The following PLCL2 variants were observed in gnomAD, a reference collection of about 807,000 sequenced individuals.
PLCL2 encodes phospholipase C like 2.
In PLCL2, 4 loss-of-function variants were observed where a neutral mutation model predicts 79.6. The ratio of observed to expected loss-of-function variants is 0.05; its 90% confidence interval spans 0.02 to 0.11. The LOEUF (loss-of-function observed/expected upper bound fraction) is 0.11, where lower values mean the gene tolerates loss of function less well. Ranked by LOEUF, PLCL2 falls within the 10% of genes least tolerant of loss-of-function variation. The pLI, the probability that PLCL2 is intolerant of heterozygous loss-of-function variation, is 1.00. For missense variants in PLCL2, 895 were observed against 1,291.0 expected (o/e 0.69, Z 4.70); for synonymous variants, 484 against 457.7 (o/e 1.06, Z -0.73).
intron 1 of PLCL2, among the ~76,000 whole-genome samples, chr3:16,909,117 G>T (rs986850364): frequency 1.3e-5 from 2 of 152,172 alleles, no homozygotes; most frequent in Non-Finnish European, 2.9e-5. Context: ...CTGCACATAT[G>T]TAAAAGAAAT....
rs573963147 is a variant in PLCL2 at position 16,886,730 on chromosome 3, G to A, written c.327+1364G>A. Among the ~76,000 whole-genome samples, 1 of 152,212 alleles carries A rather than the reference G, an allele frequency of 6.6e-6. No individual in the cohort carries two copies. Among genetic ancestry groups the A allele is most frequent in the African/African-American group, 2.4e-5 (1 of 41,530 alleles). On this transcript the variant is annotated intron_variant, in intron 1 of 5. Coordinates refer to ENST00000615277, the MANE Select transcript of PLCL2 (RefSeq NM_001144382.2). The surrounding 1 kb of genome is among the most constrained non-coding windows in gnomAD (Gnocchi z 4.2). ...GCATACATAGCTTTTAGTGACTTAC[G>A]TTTTCTTTTACTCTGTAGCTTATGT...
intron 1 of PLCL2, among the ~76,000 whole-genome samples, chr3:16,949,052 T>C (rs925872618): frequency 6.6e-6 from 1 of 152,216 alleles, no homozygotes; most frequent in African/African-American, 2.4e-5. Context: ...AAATAATATG[T>C]ATATATCATA....
chr3:17,021,621 C>T (rs1458773598), intron 3 of PLCL2, among the ~76,000 whole-genome samples: 2 of 151,804 alleles, frequency 1.3e-5, no homozygotes, highest in African/African-American at 4.8e-5. Context: ...CACACACACA[C>T]ACACACACAC....
At chr3:17,021,595 TAC>T (rs35902619) in intron 3 of PLCL2, among the ~76,000 whole-genome samples, 47,527 of 146,316 alleles carry the variant, frequency 0.32, 8,087 homozygotes, top group East Asian at 0.52. Context: ...AAAGTATTCT[TAC>T]ACACACACAC....
chr3:16,953,034 G>A (rs2063668252), intron 1 of PLCL2, among the ~76,000 whole-genome samples: 1 of 151,972 alleles, frequency 6.6e-6, no homozygotes, highest in East Asian at 1.9e-4. Flanking sequence ...CTAATACTCA[G>A]TATAAACCTA....
At chr3:17,076,507 A>T (rs1559541341) in intron 5 of PLCL2, among the ~76,000 whole-genome samples, 1 of 151,564 alleles carries the variant, frequency 6.6e-6, no homozygotes, top group Non-Finnish European at 1.5e-5. Flanking sequence ...TCTGTGGTTT[A>T]AAAAAAAATT....
chr3:17,000,176 C>T (rs1171871491), intron 1 of PLCL2, among the ~76,000 whole-genome samples: 3 of 152,066 alleles, frequency 2.0e-5, no homozygotes, highest in African/African-American at 4.8e-5. Flanking sequence ...GACTACAGTC[C>T]TTTAAAAGAG....
In PLCL2 at chr3:16,887,874, A is replaced by AT. The variant is rs572966415; in HGVS notation, c.327+2516dup. 1.0e-3 allele frequency among the ~76,000 whole-genome samples: 152 copies of AT among 151,962 alleles called. 1 individual carries two copies. Among genetic ancestry groups the AT allele is most frequent in the Admixed American group, 2.2e-3 (33 of 15,258 alleles). On this transcript the variant is annotated intron_variant, in intron 1 of 5. Transcript: ENST00000615277. The surrounding 1 kb of genome is among the most constrained non-coding windows in gnomAD (Gnocchi z 4.1). ...AGTGACATCTTTCCTTGGTTTCCTT[A>AT]TTTTTTTTAATATAAGGGATGAATG...
At chr3:17,023,298 C>T (rs1179856345) in intron 3 of PLCL2, among the ~76,000 whole-genome samples, 1 of 152,192 alleles carries the variant, frequency 6.6e-6, no homozygotes, top group East Asian at 1.9e-4. Context: ...TCTCCTCCAC[C>T]TTAGGGGATA....
chr3:17,081,349 C>T (rs145147681), intron 5 of PLCL2: 356 of 433,046 alleles, frequency 8.2e-4, no homozygotes, highest in African/African-American at 6.3e-3. Flanking sequence ...CTTCAACATC[C>T]AAGCATGTGG....
chr3:16,910,393 C>A (rs964783073), intron 1 of PLCL2, among the ~76,000 whole-genome samples: 1 of 152,046 alleles, frequency 6.6e-6, no homozygotes, highest in Non-Finnish European at 1.5e-5. Flanking sequence ...TTACTTCACC[C>A]GTCAGTAGTG....
At chr3:17,006,978 A>G (rs1456097957) in intron 1 of PLCL2, among the ~76,000 whole-genome samples, 1 of 152,270 alleles carries the variant, frequency 6.6e-6, no homozygotes, top group East Asian at 1.9e-4. Context: ...ATGAAAGAAT[A>G]AAAGATTACA....
At chr3:16,942,258 A>G (rs969188056) in intron 1 of PLCL2, among the ~76,000 whole-genome samples, 1 of 152,192 alleles carries the variant, frequency 6.6e-6, no homozygotes, top group Non-Finnish European at 1.5e-5. Context: ...TCAAATGTGT[A>G]TGTGCAGATT....
intron 5 of PLCL2, among the ~76,000 whole-genome samples, chr3:17,069,920 C>T (rs573080928): frequency 2.0e-4 from 31 of 152,046 alleles, no homozygotes; most frequent in Non-Finnish European, 4.3e-4. Context: ...GAATTTACAA[C>T]GAAAAAGGAT....
chr3:17,071,327 T>TTTG (rs1559539516), intron 5 of PLCL2, among the ~76,000 whole-genome samples: 1 of 152,206 alleles, frequency 6.6e-6, no homozygotes, highest in Non-Finnish European at 1.5e-5. Context: ...AGTTTTTTTT[T>TTTG]ATTTTGAAGG....
intron 1 of PLCL2, among the ~76,000 whole-genome samples, chr3:17,004,621 A>G (rs1047666679): frequency 1.3e-5 from 2 of 152,030 alleles, no homozygotes; most frequent in Non-Finnish European, 2.9e-5. Flanking sequence ...CATCTTAAAG[A>G]GCACATCAAA....
rs1696222387 is a variant in PLCL2 at position 16,886,339 on chromosome 3, C to T, written c.327+973C>T. Among the ~76,000 whole-genome samples the T allele has an allele frequency of 6.6e-6, 1 of 152,198 alleles. No individual in the cohort carries two copies. The highest frequency in any genetic ancestry group is 2.4e-5 in the African/African-American group (1 of 41,442). ...ATCAAGGAGTTATCAGGACAGGGAGCAGCAAAGCAAATTGACAGGCTGCAC... is the reference window on the plus strand; with the variant it reads ...ATCAAGGAGTTATCAGGACAGGGAGTAGCAAAGCAAATTGACAGGCTGCAC... On this transcript the variant is annotated intron_variant, in intron 1 of 5. Transcript: ENST00000615277. This position sits in a 1 kb window ranked among gnomAD's most constrained non-coding sequence, Gnocchi z 4.2.
intron 3 of PLCL2, among the ~76,000 whole-genome samples, chr3:17,027,386 C>T (rs2064528429): frequency 1.3e-5 from 2 of 152,168 alleles, no homozygotes; most frequent in Non-Finnish European, 2.9e-5. Context: ...TTTTGGAGAA[C>T]AACCACCTCC....
intron 1 of PLCL2, among the ~76,000 whole-genome samples, chr3:16,978,237 T>G (rs1049685439): frequency 6.6e-6 from 1 of 152,238 alleles, no homozygotes; most frequent in African/African-American, 2.4e-5. Flanking sequence ...TACCCTACCC[T>G]TTTTATTGTT....
Sources: gnomAD v4.1 joint callset for allele counts (sites outside exome capture counted in the v4.1 genomes callset) on GRCh38, gnomAD v4.1.1 for gene constraint, Gnocchi (gnomAD v3.1) non-coding constraint, MANE v1.5 for transcripts, NCBI Gene and HGNC (gene_info 2026-07-23, HGNC 2026-07-21) for gene names.